PCDHA4: variants seen among roughly 807,000 people sequenced by gnomAD.
PCDHA4 encodes protocadherin alpha 4.
In PCDHA4, 49 loss-of-function variants were observed where a neutral mutation model predicts 61.4. The ratio of observed to expected loss-of-function variants is 0.80; its 90% confidence interval spans 0.63 to 1.01. PCDHA4 has a LOEUF of 1.01. Ranked by LOEUF, PCDHA4 falls within the 50% of genes least tolerant of loss-of-function variation. PCDHA4 has a pLI of 0.00. For missense variants in PCDHA4, 1,254 were observed against 1,235.8 expected, an observed-to-expected ratio of 1.01 and a Z score of -0.22; for synonymous variants, 590 against 550.3, an observed-to-expected ratio of 1.07 and a Z score of -1.01.
intron 1 of PCDHA4, among the ~76,000 whole-genome samples, chr5:140,944,938 A>G (rs2153667882): frequency 6.6e-6 from 1 of 152,262 alleles, no homozygotes; most frequent in African/African-American, 2.4e-5. Context: ...CCTTCTTTAG[A>G]TGATTGTGAA....
At chr5:140,939,089 A>C (rs1048123737) in intron 1 of PCDHA4, among the ~76,000 whole-genome samples, 11 of 152,204 alleles carry the variant, frequency 7.2e-5, no homozygotes, top group Non-Finnish European at 1.2e-4. Context: ...TGGGTGGCTT[A>C]AAAACAATAG....
chr5:140,850,870 C>T (rs2041860936), intron 1 of PCDHA4: 1 of 1,591,890 alleles, frequency 6.3e-7, no homozygotes, highest in African/African-American at 1.3e-5. Context: ...CCCTCTGCTT[C>T]CTCAGATTCA....
chr5:140,968,918 A>G, intron 1 of PCDHA4: 1 of 1,614,164 alleles, frequency 6.2e-7, no homozygotes, highest in Non-Finnish European at 8.5e-7. Context: ...AGTGTCTTTT[A>G]TATTTCTTTT....
intron 1 of PCDHA4, chr5:140,841,999 T>A: frequency 6.2e-7 from 1 of 1,613,818 alleles, no homozygotes; most frequent in Non-Finnish European, 8.5e-7. Context: ...CAGGCACTGT[T>A]CAGCTGCTGG....
chr5:140,948,889 AT>A (rs1263260325), intron 1 of PCDHA4, among the ~76,000 whole-genome samples: 2 of 151,468 alleles, frequency 1.3e-5, no homozygotes, highest in Non-Finnish European at 3.0e-5. Flanking sequence ...TCTCTTTTAG[AT>A]TTTAAGTGGA....
At chr5:140,936,863 A>G (rs1177234152) in intron 1 of PCDHA4, among the ~76,000 whole-genome samples, 1 of 152,120 alleles carries the variant, frequency 6.6e-6, no homozygotes, top group East Asian at 1.9e-4. Context: ...CTCAGTTTCT[A>G]TTTTAAAAAA....
chr5:140,840,088 T>G (rs1346401195), intron 1 of PCDHA4, among the ~76,000 whole-genome samples: 2 of 152,012 alleles, frequency 1.3e-5, no homozygotes, highest in African/African-American at 2.4e-5. Context: ...ATAAACTTGT[T>G]GAAGATTTTA....
At chr5:140,848,285 C>T in intron 1 of PCDHA4, 1 of 617,022 alleles carries the variant, frequency 1.6e-6, no homozygotes. Flanking sequence ...TGTACTTACA[C>T]TTTGGGCCAC....
At chr5:140,970,953 G>A (rs975435719) in intron 1 of PCDHA4, among the ~76,000 whole-genome samples, 16 of 152,110 alleles carry the variant, frequency 1.1e-4, no homozygotes, top group South Asian at 4.1e-4. Flanking sequence ...AGAAACCATG[G>A]GAGGCAGATT....
At chr5:141,006,216 A>T (rs6897376) in intron 3 of PCDHA4, among the ~76,000 whole-genome samples, 45,154 of 145,800 alleles carry the variant, frequency 0.31, 6,982 homozygotes, top group East Asian at 0.44. Context: ...ATTTTTTTTT[A>T]AATTTTTTAT....
At chr5:140,836,761 T>C in intron 1 of PCDHA4, 2 of 1,569,180 alleles carry the variant, frequency 1.3e-6, no homozygotes, top group Non-Finnish European at 1.7e-6. Flanking sequence ...TAATCTTGTT[T>C]CCAACAATTT....
At chr5:140,941,852 T>G (rs1254913265) in intron 1 of PCDHA4, among the ~76,000 whole-genome samples, 2 of 152,236 alleles carry the variant, frequency 1.3e-5, no homozygotes, top group Non-Finnish European at 2.9e-5. Context: ...TTACCTGATA[T>G]TCCCTATCAT....
intron 1 of PCDHA4, chr5:140,841,540 C>T: frequency 1.2e-6 from 2 of 1,613,694 alleles, no homozygotes; most frequent in African/African-American, 1.3e-5. Context: ...GACACCGGGA[C>T]CTTCTGGAGG....
Position 140,829,599 on chromosome 5 carries a change from C to A in PCDHA4, c.2385+20027C>A, listed in dbSNP as rs1770425263. ...GTGGAGCGGCGGGTGGGCGAGCGCG[C>A]GTTGTCGAGCTACATTTCGGTGCAC... is the stretch of plus-strand genomic sequence containing the variant. On this transcript the variant is annotated intron_variant, in intron 1 of 3. Transcript: ENST00000530339. 15 of 1,612,030 alleles carry A rather than the reference C, an allele frequency of 9.3e-6. No individual in the cohort carries two copies. In the East Asian group the frequency reaches 3.3e-4, roughly 36 times the overall value.
chr5:140,851,247 G>A (rs1554145321), intron 1 of PCDHA4: 3 of 1,093,404 alleles, frequency 2.7e-6, no homozygotes. Flanking sequence ...GCTAAATGAT[G>A]CATAGTATTT....
At chr5:140,893,117 T>C (rs536917492) in intron 1 of PCDHA4, among the ~76,000 whole-genome samples, 72 of 152,356 alleles carry the variant, frequency 4.7e-4, no homozygotes, top group South Asian at 1.2e-3. Flanking sequence ...GTTGTGCATA[T>C]ACACCACATT....
intron 1 of PCDHA4, among the ~76,000 whole-genome samples, chr5:140,964,454 T>G (rs1392277569): frequency 6.6e-6 from 1 of 152,132 alleles, no homozygotes. Flanking sequence ...CTGTAATCTC[T>G]TCCTTAAGTG....
chr5:140,949,172 A>G (rs574592967), intron 1 of PCDHA4, among the ~76,000 whole-genome samples: 3 of 151,856 alleles, frequency 2.0e-5, no homozygotes, highest in African/African-American at 7.2e-5. Context: ...TCTTTTGGTC[A>G]GAGAACATAC....
intron 1 of PCDHA4, chr5:140,969,449 AG>A (rs1470034134): frequency 2.8e-5 from 43 of 1,510,842 alleles, no homozygotes; most frequent in Non-Finnish European, 3.2e-5. Flanking sequence ...TGGTAAACTG[AG>A]TATATATAGT....
Sources: allele counts gnomAD v4.1 joint callset (sites outside exome capture counted in the v4.1 genomes callset), GRCh38; gene constraint gnomAD v4.1.1; transcripts MANE v1.5; gene names NCBI Gene and HGNC (gene_info 2026-07-23, HGNC 2026-07-21).